ANKHD1: variants seen among roughly 807,000 people sequenced by gnomAD.
ANKHD1 encodes ankyrin repeat and KH domain-containing protein 1.
Under a neutral mutation model 230.5 loss-of-function variants are expected in ANKHD1, and 31 were observed. The observed-to-expected ratio is 0.13, with a 90% CI of 0.10 to 0.18. ANKHD1 has a LOEUF of 0.18. Among genes scored for constraint, ANKHD1 ranks in the 10% least tolerant of loss-of-function variants. ANKHD1 has a pLI of 1.00. For missense variants in ANKHD1, 2,256 were observed against 3,071.3 expected, an observed-to-expected ratio of 0.73 and a Z score of 6.27; for synonymous variants, 1,074 against 1,117.6, an observed-to-expected ratio of 0.96 and a Z score of 0.78.
At chr5:140,444,490 G>A (rs1774118075) in intron 5 of ANKHD1, among the ~76,000 whole-genome samples, 1 of 152,096 alleles carries the variant, frequency 6.6e-6, no homozygotes, top group Non-Finnish European at 1.5e-5. Flanking sequence ...AGAGACCAGG[G>A]ATCATAAACC....
rs576759242 is a variant in ANKHD1, at chr5:140,415,610, T to G, written c.306+13337T>G. 5.0e-3 allele frequency among the ~76,000 whole-genome samples: 752 copies of G among 151,320 alleles called. 5 individuals carry two copies. The highest frequency in any genetic ancestry group is 0.017 in the African/African-American group (707 of 41,320). ...CACGCCACCACGCCCAGCTAATTTT[T>G]GTATTTTTAGTAGATAGGGGGTTTG... On this transcript the variant is annotated intron_variant, in intron 1 of 33. Transcript: ENST00000360839.
intron 2 of ANKHD1, 36 bp downstream of exon 2, chr5:140,436,293 TAA>T (rs1219759998): frequency 1.4e-6 from 2 of 1,475,556 alleles, no homozygotes; most frequent in Non-Finnish European, 1.8e-6. Flanking sequence ...TTCATATCTT[TAA>T]AAGTCTAGAT....
At chr5:140,521,030 G>A (rs906154014) in intron 24 of ANKHD1, among the ~76,000 whole-genome samples, 12 of 151,834 alleles carry the variant, frequency 7.9e-5, no homozygotes, top group Non-Finnish European at 1.5e-4. Context: ...GGCTCAGTCT[G>A]CTTACCTGGA....
chr5:140,427,597 G>A (rs1353138808), intron 1 of ANKHD1, among the ~76,000 whole-genome samples: 1 of 143,710 alleles, frequency 7.0e-6, no homozygotes, highest in Non-Finnish European at 1.5e-5. Flanking sequence ...CGGGCGGGGG[G>A]CTGACGCCCC....
rs774513979 is a variant in ANKHD1, at chr5:140,406,183, AG to A, written c.306+3911del. On this transcript the variant is annotated intron_variant, in intron 1 of 33. Coordinates refer to ENST00000360839, the MANE Select transcript of ANKHD1 (RefSeq NM_017747.3). ...AACCCAGGAGGCAGAGGTTGCAGTG[AG>A]CCGAGATCACGCCACTGCCCTCCAG... is the stretch of plus-strand genomic sequence containing the variant. 1.6e-3 allele frequency among the ~76,000 whole-genome samples: 237 copies of A among 151,908 alleles called. 1 individual carries two copies. Among genetic ancestry groups the A allele is most frequent in the Non-Finnish European group, 2.9e-3 (196 of 67,928 alleles).
At chr5:140,419,757 T>G (rs80025432) in intron 1 of ANKHD1, among the ~76,000 whole-genome samples, 2,241 of 151,332 alleles carry the variant, frequency 0.015, 61 homozygotes, top group African/African-American at 0.051. Flanking sequence ...TTTTCTTTTC[T>G]CTTCTCTTTC....
rs1193425895 is a variant in ANKHD1 at position 140,496,630 on chromosome 5, C to G, written c.2356C>G (p.Leu786Val). Residue 786 changes from leucine (L) to valine (V), a missense_variant, in exon 15 of 34, where the codon CTG (leucine) becomes GTG (valine). By Grantham distance (32) the Leu-to-Val change is conservative (BLOSUM62 1). Transcript: ENST00000360839. ...ECIVEETEGK[L>V]NELGQRISAI... ...CATAGTAGAGGAGACTGAAGGCAAG[C>G]TGAATGAACTGGGACAAAGAATTAG... 1 of 1,613,650 alleles carries G rather than the reference C, an allele frequency of 6.2e-7. No homozygotes were observed. Among genetic ancestry groups the G allele is most frequent in the South Asian group, 1.1e-5 (1 of 91,062 alleles).
At chr5:140,466,495 ATC>A (rs1776098771) in intron 10 of ANKHD1, among the ~76,000 whole-genome samples, 1 of 152,166 alleles carries the variant, frequency 6.6e-6, no homozygotes, top group South Asian at 2.1e-4. Context: ...CCAAGTTAAT[ATC>A]TGTTACATTT....
At chr5:140,460,803 G>A (rs1775649263) in intron 9 of ANKHD1, among the ~76,000 whole-genome samples, 1 of 152,156 alleles carries the variant, frequency 6.6e-6, no homozygotes, top group African/African-American at 2.4e-5. Context: ...TTACAGATGT[G>A]AACTACCACA....
chr5:140,521,699 G>T (rs1753357212), intron 24 of ANKHD1, among the ~76,000 whole-genome samples: 1 of 152,182 alleles, frequency 6.6e-6, no homozygotes, highest in African/African-American at 2.4e-5. Context: ...ATAATTCACA[G>T]TTGGGCACAG....
Position 140,527,138 on chromosome 5 carries a change from T to C in ANKHD1, c.5087+64T>C. 6.7e-7 allele frequency: 1 copy of C among 1,492,680 alleles called. No homozygotes were observed. The highest frequency in any genetic ancestry group is 1.4e-5 in the South Asian group (1 of 71,672). 92.5% of individuals were successfully genotyped at this position (1,492,680 alleles called of 1,614,324 possible). A position where few individuals can be genotyped will look rare whatever the true frequency, so the allele number is the denominator to read the frequency against. ...TTTTCCCTTTCTCATGTGAGATGGC[T>C]ACCTAGTTAATTAATGAATAATTTG... On this transcript the variant is annotated intron_variant, in intron 27 of 33. Coordinates refer to ENST00000360839, the MANE Select transcript of ANKHD1 (RefSeq NM_017747.3). The surrounding 1 kb of genome is among the most constrained non-coding windows in gnomAD (Gnocchi z 4.5).
intron 3 of ANKHD1, among the ~76,000 whole-genome samples, chr5:140,439,411 T>C (rs9325140): frequency 0.9 from 137,050 of 152,212 alleles, 61,841 homozygotes; most frequent in Middle Eastern, 0.96. Context: ...TGGCTCATGT[T>C]TGTAACCAAG....
chr5:140,457,134 C>T (rs1775257635), intron 7 of ANKHD1, among the ~76,000 whole-genome samples: 2 of 152,258 alleles, frequency 1.3e-5, no homozygotes, highest in South Asian at 4.1e-4. Context: ...CAGAGAAATG[C>T]AAATCAAAAC....
chr5:140,496,461 C>CT (rs770445733), intron 14 of ANKHD1, 59 bp from the exon 15 acceptor site: 33,258 of 511,260 alleles, frequency 0.065, 7 homozygotes, highest in Non-Finnish European at 0.071. Context: ...TTTTTCTTTT[C>CT]TTTTTTTTTT....
intron 5 of ANKHD1, among the ~76,000 whole-genome samples, chr5:140,443,927 C>G (rs1774067598): frequency 1.3e-5 from 2 of 152,046 alleles, no homozygotes; most frequent in South Asian, 4.1e-4. Context: ...CTAGGTCTCC[C>G]CATCTTCTTC....
At chr5:140,402,901 CT>C (rs1200723080) in intron 1 of ANKHD1, among the ~76,000 whole-genome samples, 3 of 150,390 alleles carry the variant, frequency 2.0e-5, no homozygotes, top group African/African-American at 7.3e-5. Flanking sequence ...TTCGGAATAG[CT>C]GGGTAGCTGA....
chr5:140,526,197 A>G lies in ANKHD1; in HGVS notation c.4694A>G (p.His1565Arg). Reference protein sequence around the residue: ...PTAHLILPEQHMSLAQQKADK... With the variant: ...PTAHLILPEQRMSLAQQKADK... ...GCACATTTAATTTTACCAGAACAACATATGTCTTTAGCCCAACAAAAGGCA... is the reference window on the plus strand; with the variant it reads ...GCACATTTAATTTTACCAGAACAACGTATGTCTTTAGCCCAACAAAAGGCA... Residue 1565 changes from histidine to arginine, a missense_variant, in exon 26 of 34, where the codon CAT becomes CGT. Coordinates refer to ENST00000360839, the MANE Select transcript of ANKHD1 (RefSeq NM_017747.3). 2 of 1,614,146 alleles carry G rather than the reference A, an allele frequency of 1.2e-6. No individual in the cohort carries two copies. The highest frequency in any genetic ancestry group is 1.7e-6 in the Non-Finnish European group (2 of 1,180,036).
intron 14 of ANKHD1, 128 bp from the exon 15 acceptor site, chr5:140,496,392 A>G (rs1752036920): frequency 2.1e-6 from 2 of 968,814 alleles, no homozygotes. Context: ...AACATTAGTT[A>G]TAAGGGTTTT....
At chr5:140,406,467 C>T (rs1441858812) in intron 1 of ANKHD1, among the ~76,000 whole-genome samples, 2 of 151,936 alleles carry the variant, frequency 1.3e-5, no homozygotes, top group African/African-American at 4.8e-5. Context: ...TATTTAATAT[C>T]AGAGCCAAGA....
Sources: gnomAD v4.1 joint callset for allele counts (sites outside exome capture counted in the v4.1 genomes callset) on GRCh38, gnomAD v4.1.1 for gene constraint, Gnocchi (gnomAD v3.1) non-coding constraint, MANE v1.5 for transcripts, NCBI Gene and HGNC (gene_info 2026-07-23, HGNC 2026-07-21) for gene names.